TNIK: variants seen among roughly 807,000 people sequenced by gnomAD.
The protein encoded by TNIK is TRAF2 and NCK interacting kinase.
A neutral mutation model predicts 191.3 loss-of-function variants in TNIK; 49 were observed. That is an observed-to-expected ratio of 0.26 (90% CI 0.20 to 0.32). The LOEUF is 0.32. Ranked by LOEUF, TNIK falls within the 10% of genes least tolerant of loss-of-function variation. The pLI, the probability that TNIK is intolerant of heterozygous loss-of-function variation, is 1.00. For synonymous variants in TNIK, 594 were observed against 600.9 expected, an observed-to-expected ratio of 0.99 and a Z score of 0.17; for missense variants, 1,155 against 1,702.3, an observed-to-expected ratio of 0.68 and a Z score of 5.66.
At chr3:171,239,024 A>G (rs1204163170) in intron 2 of TNIK, among the ~76,000 whole-genome samples, 1 of 152,242 alleles carries the variant, frequency 6.6e-6, no homozygotes, top group Non-Finnish European at 1.5e-5. Context: ...CTAATGAAGT[A>G]TTATTAGGAC....
intron 1 of TNIK, among the ~76,000 whole-genome samples, chr3:171,389,090 A>G (rs1056558947): frequency 6.6e-5 from 10 of 152,152 alleles, no homozygotes; most frequent in African/African-American, 1.4e-4. Flanking sequence ...TTTATAGAAG[A>G]GAAACCTGAG....
chr3:171,411,300 TC>T lies in TNIK; in HGVS notation c.58-41616del, dbSNP rs533134862. ...TCTGTTGACCAGGCTGGCTGAGAAA[TC>T]ATAATCTTAATGTTGGGAGATTGAA... On this transcript the variant is annotated intron_variant, in intron 1 of 32. Coordinates refer to ENST00000436636, the MANE Select transcript of TNIK (RefSeq NM_015028.4). Among the ~76,000 whole-genome samples the T allele has an allele frequency of 2.5e-3, 379 of 152,190 alleles. 1 individual carries two copies. The highest frequency in any genetic ancestry group is 8.9e-3 in the African/African-American group (370 of 41,498).
At chr3:171,164,367 G>C (rs1734358523) in intron 10 of TNIK, among the ~76,000 whole-genome samples, 1 of 152,220 alleles carries the variant, frequency 6.6e-6, no homozygotes, top group South Asian at 2.1e-4. Flanking sequence ...CTGAGTAAGT[G>C]ATGAAAAAGT....
intron 3 of TNIK, among the ~76,000 whole-genome samples, chr3:171,220,827 C>T (rs1430854861): frequency 6.6e-6 from 1 of 152,108 alleles, no homozygotes; most frequent in Non-Finnish European, 1.5e-5. Flanking sequence ...CTATTGCTCA[C>T]CTTTATTAGT....
At position 171,140,423 on chromosome 3, in the gene TNIK, C is replaced by T. The variant is rs756995877; in HGVS notation, c.1308G>A (p.Glu436=). The change falls in exon 13 of 33, where the codon GAG becomes GAA. Residue 436 remains glutamate (E), a synonymous_variant. Transcript: ENST00000436636. The part of the protein sequence containing the change: ...HYEEQMRREE[E]RRRAEHEQEY... The stretch of plus-strand genomic sequence containing the variant: ...CCTGTTCATGCTCCGCACGCCTCCT[C>T]TCCTCCTCCCGGCGCATCTGCTCCT... 1.2e-6 allele frequency: 2 copies of T among 1,606,342 alleles called. No individual in the cohort carries two copies. The highest frequency in any genetic ancestry group is 1.1e-5 in the South Asian group (1 of 90,112).
chr3:171,322,762 T>C (rs983217141), intron 2 of TNIK, among the ~76,000 whole-genome samples: 1 of 151,994 alleles, frequency 6.6e-6, no homozygotes, highest in African/African-American at 2.4e-5. Flanking sequence ...AAAATGAAAG[T>C]GCCCCCTTTC....
At chr3:171,200,863 C>T (rs1037940377) in intron 4 of TNIK, among the ~76,000 whole-genome samples, 4 of 152,138 alleles carry the variant, frequency 2.6e-5, no homozygotes, top group Non-Finnish European at 5.9e-5. Flanking sequence ...TAATGAGAAA[C>T]GAACTCTTAG....
At chr3:171,437,351 CTGTCA>C (rs1169642694) in intron 1 of TNIK, among the ~76,000 whole-genome samples, 3 of 152,196 alleles carry the variant, frequency 2.0e-5, no homozygotes, top group Non-Finnish European at 4.4e-5. Context: ...TGCCATTTAA[CTGTCA>C]TGGGCCTTAT....
At chr3:171,196,815 C>T (rs367632874) in intron 4 of TNIK, among the ~76,000 whole-genome samples, 89 of 152,164 alleles carry the variant, frequency 5.8e-4, no homozygotes, top group African/African-American at 1.9e-3. Context: ...CCCAGGCTGG[C>T]GCGATCTCGG....
At chr3:171,332,249 AT>A (rs770322441) in intron 2 of TNIK, among the ~76,000 whole-genome samples, 2 of 152,242 alleles carry the variant, frequency 1.3e-5, no homozygotes, top group Admixed American at 6.5e-5. Context: ...ATTACATCAT[AT>A]AGCTAGCCCA....
intron 18 of TNIK, among the ~76,000 whole-genome samples, chr3:171,111,540 G>A (rs564255622): frequency 2.6e-5 from 4 of 152,166 alleles, no homozygotes; most frequent in South Asian, 2.1e-4. Flanking sequence ...AGAGAAGAGG[G>A]AACCCTTGTA....
chr3:171,386,770 A>C (rs2108534721), intron 1 of TNIK, among the ~76,000 whole-genome samples: 1 of 152,324 alleles, frequency 6.6e-6, no homozygotes, highest in South Asian at 2.1e-4. Context: ...TATCATTCAC[A>C]TCCAGTCACT....
chr3:171,258,848 T>C (rs1747222059), intron 2 of TNIK, among the ~76,000 whole-genome samples: 1 of 152,222 alleles, frequency 6.6e-6, no homozygotes, highest in South Asian at 2.1e-4. Flanking sequence ...AATCTCATTA[T>C]AATCCCAGTA....
chr3:171,370,821 T>C (rs1017359781), intron 1 of TNIK, among the ~76,000 whole-genome samples: 2 of 152,206 alleles, frequency 1.3e-5, no homozygotes, highest in African/African-American at 4.8e-5. Context: ...ATGTGAGATC[T>C]CCTATTTTTT....
At chr3:171,181,406 T>A (rs1048088023) in intron 7 of TNIK, among the ~76,000 whole-genome samples, 1 of 152,218 alleles carries the variant, frequency 6.6e-6, no homozygotes, top group Non-Finnish European at 1.5e-5. Context: ...CATTTAGTTG[T>A]GGCAGAAATT....
chr3:171,216,879 C>T (rs999420125), intron 3 of TNIK, among the ~76,000 whole-genome samples: 1 of 151,882 alleles, frequency 6.6e-6, no homozygotes. Flanking sequence ...AGGAAACAGA[C>T]CCAGAGTCAT....
At chr3:171,095,482 T>C (rs1722590321) in intron 22 of TNIK, among the ~76,000 whole-genome samples, 2 of 152,246 alleles carry the variant, frequency 1.3e-5, no homozygotes, top group South Asian at 2.1e-4. Flanking sequence ...AGGAAAGTTA[T>C]CAAGGCTTAT....
At chr3:171,248,536 C>G (rs1461309122) in intron 2 of TNIK, among the ~76,000 whole-genome samples, 1 of 152,164 alleles carries the variant, frequency 6.6e-6, no homozygotes, top group Non-Finnish European at 1.5e-5. Flanking sequence ...ATTAAAGTTT[C>G]ATGGGGACTG....
chr3:171,175,217 C>A (rs763256674), intron 9 of TNIK, 35 bp downstream of exon 9: 1 of 1,594,082 alleles, frequency 6.3e-7, no homozygotes, highest in East Asian at 2.3e-5. Flanking sequence ...AAAACCTCAC[C>A]CTTAGATCTG....
Sources: allele counts gnomAD v4.1 joint callset (sites outside exome capture counted in the v4.1 genomes callset), GRCh38; gene constraint gnomAD v4.1.1; transcripts MANE v1.5; gene names NCBI Gene and HGNC (gene_info 2026-07-23, HGNC 2026-07-21).